The following MGRN1 variants were observed in gnomAD, a reference collection of about 807,000 sequenced individuals.
The protein encoded by MGRN1 is mahogunin ring finger 1.
A neutral mutation model predicts 69.2 loss-of-function variants in MGRN1; 29 were observed. The observed-to-expected ratio is 0.42, with a 90% CI of 0.31 to 0.57. The LOEUF (loss-of-function observed/expected upper bound fraction) is 0.57. Ranked by LOEUF, MGRN1 falls within the 20% of genes least tolerant of loss-of-function variation. MGRN1 has a pLI of 0.15. For missense variants in MGRN1, 998 were observed against 796.2 expected (o/e 1.25, Z -3.05); for synonymous variants, 470 against 344.2 (o/e 1.37, Z -4.04).
chr16:4,626,912 A>G (rs995208876), intron 1 of MGRN1, among the ~76,000 whole-genome samples: 6 of 152,204 alleles, frequency 3.9e-5, no homozygotes, highest in East Asian at 1.9e-4. Context: ...GCGCCCATCC[A>G]GTCCACAGGT....
rs373611281 is a variant in MGRN1, at chr16:4,668,198, G to A, written c.679-67G>A. ...CTGGGGCAGGGTGGCCAACCCAGGCGGCCACGCAGGGGTGCTCAGAGGCGC... is the reference window on the plus strand; with the variant it reads ...CTGGGGCAGGGTGGCCAACCCAGGCAGCCACGCAGGGGTGCTCAGAGGCGC... On this transcript the variant is annotated intron_variant, in intron 7 of 16. Coordinates refer to ENST00000262370, the MANE Select transcript of MGRN1 (RefSeq NM_015246.4). The A allele has an allele frequency of 4.9e-4, 705 of 1,442,762 alleles. 1 individual carries two copies. Among genetic ancestry groups the A allele is most frequent in the Non-Finnish European group, 6.0e-4 (639 of 1,059,060 alleles). The allele number at this position is 1,442,762 out of a possible 1,614,324, so 89.4% of individuals were successfully genotyped here.
At chr16:4,625,747 C>T (rs1050166412) in intron 1 of MGRN1, among the ~76,000 whole-genome samples, 4 of 152,234 alleles carry the variant, frequency 2.6e-5, no homozygotes, top group East Asian at 1.9e-4. Context: ...TAGCTTTGTT[C>T]CCAGCTCTCT....
At position 4,651,952 on chromosome 16, in the gene MGRN1, T is replaced by A; in HGVS notation, c.208-11T>A. ...AGGGAGTCACCTGGGGCCCTGTGGT[T>A]TTTCTCCTAGTTTCCCTACGTCACT... On this transcript the variant is annotated splice_polypyrimidine_tract_variant and intron_variant, in intron 2 of 16. Transcript: ENST00000262370. 1 of 1,613,676 alleles carries A rather than the reference T, an allele frequency of 6.2e-7. No individual in the cohort carries two copies. Among genetic ancestry groups the A allele is most frequent in the Non-Finnish European group, 8.5e-7 (1 of 1,179,738 alleles).
In MGRN1 at chr16:4,688,838, C is replaced by T. The variant is rs2079396306; in HGVS notation, c.1661C>T (p.Thr554Ile). The change falls in exon 17 of 17, where the codon ACC becomes ATC. Residue 554 changes from threonine (T) to isoleucine (I), a missense_variant. Coordinates refer to ENST00000262370, the MANE Select transcript of MGRN1 (RefSeq NM_015246.4). Reference sequence around the variant, plus strand: ...GAGACGGCCCACGGCCTCGCCACCACCAGCCCCACCTGGCCTCCACTTGGT... The same window carrying T: ...GAGACGGCCCACGGCCTCGCCACCATCAGCCCCACCTGGCCTCCACTTGGT... ...SMETAHGLATTSPTWPPLGGP... is the reference protein window; with the variant it reads ...SMETAHGLATISPTWPPLGGP... The T allele has an allele frequency of 1.9e-6, 3 of 1,554,378 alleles. No homozygotes were observed. The highest frequency in any genetic ancestry group is 3.8e-5 in the Admixed American group (2 of 52,206).
At position 4,683,864 on chromosome 16, in the gene MGRN1, A is replaced by C. The variant is rs755545957; in HGVS notation, c.1550A>C (p.Glu517Ala). 33 of 1,605,032 alleles carry C rather than the reference A, an allele frequency of 2.1e-5. No individual in the cohort carries two copies. The highest frequency in any genetic ancestry group is 2.6e-5 in the Non-Finnish European group (31 of 1,174,898). Residue 517 changes from glutamate (E) to alanine (A), a missense_variant, in exon 16 of 17, where the codon GAG becomes GCG. Transcript: ENST00000262370. The stretch of plus-strand genomic sequence containing the variant: ...GCAGGGACCCGAGCAGCTTCCATTG[A>C]GAATGTCCTGCAGGACAGCAGCCCC... ...PQQGTRAASI[E>A]NVLQDSSPEH...
chr16:4,662,789 G>C (rs2078712266), intron 5 of MGRN1, among the ~76,000 whole-genome samples: 1 of 152,238 alleles, frequency 6.6e-6, no homozygotes, highest in African/African-American at 2.4e-5. Flanking sequence ...GCAGGGGAGA[G>C]GAGACATCCT....
intron 10 of MGRN1, among the ~76,000 whole-genome samples, chr16:4,675,486 C>G (rs1389657948): frequency 6.6e-6 from 1 of 152,108 alleles, no homozygotes. Flanking sequence ...CACCTATAAT[C>G]CCAGCACTTT....
At chr16:4,660,728 G>T (rs1190044499) in intron 5 of MGRN1, among the ~76,000 whole-genome samples, 3 of 152,226 alleles carry the variant, frequency 2.0e-5, no homozygotes, top group African/African-American at 7.2e-5. Context: ...TGTGGCAGCA[G>T]TGTGGGAGCG....
At chr16:4,651,255 G>C (rs1471119342) in intron 2 of MGRN1, 1 of 151,380 alleles carries the variant, frequency 6.6e-6, no homozygotes, top group Non-Finnish European at 1.5e-5. Flanking sequence ...CTCGAGTACT[G>C]TGAGCTGTCT....
At chr16:4,637,220 A>G (rs1898347361) in intron 1 of MGRN1, among the ~76,000 whole-genome samples, 1 of 151,540 alleles carries the variant, frequency 6.6e-6, no homozygotes, top group Admixed American at 6.6e-5. Context: ...ACCTCAGGTC[A>G]GGAGTTGAAG....
chr16:4,682,277 C>G (rs568789228), intron 13 of MGRN1, among the ~76,000 whole-genome samples: 2 of 152,378 alleles, frequency 1.3e-5, no homozygotes, highest in East Asian at 3.9e-4. Flanking sequence ...GTGCATCATC[C>G]ATCACTCATA....
At chr16:4,681,900 G>T (rs1428804777) in intron 13 of MGRN1, 124 bp downstream of exon 13, 3 of 986,596 alleles carry the variant, frequency 3.0e-6, no homozygotes, top group Non-Finnish European at 4.4e-6. Context: ...GAAGGACTCG[G>T]AGACCCCGTA....
intron 7 of MGRN1, among the ~76,000 whole-genome samples, chr16:4,666,303 A>C (rs1032678813): frequency 3.9e-5 from 6 of 151,906 alleles, no homozygotes; most frequent in Admixed American, 3.9e-4. Context: ...TAACTTAAAA[A>C]AATTTTTTTG....
chr16:4,688,465 C>T (rs1046424490), intron 16 of MGRN1: 9 of 1,118,640 alleles, frequency 8.0e-6, no homozygotes, highest in African/African-American at 1.6e-5. Flanking sequence ...CTGGCCACAT[C>T]CCAGGAAACC....
Position 4,677,488 on chromosome 16 carries a change from G to T in MGRN1, c.981G>T (p.Arg327=). The T allele has an allele frequency of 6.3e-7, 1 of 1,586,142 alleles. No individual in the cohort carries two copies. Residue 327 remains arginine, a synonymous_variant, in exon 11 of 17, where the codon CGG becomes CGT. Coordinates refer to ENST00000262370, the MANE Select transcript of MGRN1 (RefSeq NM_015246.4). The stretch of plus-strand genomic sequence containing the variant: ...CTTTCCGGGCCCTCCTGCAGATCCG[G>T]GCGGTGCGGAAGAAGCCAGGAGCCC... ...RLPFRALLQI[R]AVRKKPGALS... is the part of the protein sequence containing the mutation.
intron 4 of MGRN1, 58 bp downstream of exon 4, chr16:4,652,882 G>T (rs1444283581): frequency 1.1e-5 from 16 of 1,520,012 alleles, no homozygotes; most frequent in Non-Finnish European, 1.8e-6. Flanking sequence ...TCCTGGGGGA[G>T]GCTTCTGTCC....
chr16:4,627,614 C>T (rs1011708065), intron 1 of MGRN1, among the ~76,000 whole-genome samples: 9 of 151,512 alleles, frequency 5.9e-5, no homozygotes, highest in Admixed American at 2.0e-4. Context: ...GGGGAAACCC[C>T]GTCTCTACTA....
chr16:4,683,411 CACTGGGATCCCGGCTGGGAGGG>C (rs1424810712), intron 15 of MGRN1, 142 bp downstream of exon 15: 1 of 974,126 alleles, frequency 1.0e-6, no homozygotes, highest in East Asian at 2.6e-5. Flanking sequence ...CCCTCGGCGG[CACTGGGATCCCGGCTGGGAGGG>C]ACTGAACGGG....
chr16:4,660,039 C>T (rs1358287865), intron 5 of MGRN1, among the ~76,000 whole-genome samples: 8 of 152,186 alleles, frequency 5.3e-5, no homozygotes, highest in Admixed American at 4.6e-4. Context: ...GGAGACGCTT[C>T]CCCGAAGAGA....
Sources: allele counts gnomAD v4.1 joint callset (sites outside exome capture counted in the v4.1 genomes callset), GRCh38; gene constraint gnomAD v4.1.1; transcripts MANE v1.5; gene names NCBI Gene and HGNC (gene_info 2026-07-23, HGNC 2026-07-21).